Variants in ALPK1 observed in about 807,000 individuals in gnomAD.
The protein encoded by ALPK1 is alpha-protein kinase 1.
In ALPK1, 110 loss-of-function variants were observed where a neutral mutation model predicts 120.6. That is an observed-to-expected ratio of 0.91 (90% CI 0.78 to 1.07). ALPK1 has a LOEUF of 1.07. Ranked by LOEUF, ALPK1 falls within the 50% of genes least tolerant of loss-of-function variation. ALPK1 has a pLI of 0.00. For missense variants in ALPK1, 1,498 were observed against 1,483.9 expected (o/e 1.01, Z -0.16); for synonymous variants, 582 against 560.3 (o/e 1.04, Z -0.55).
intron 1 of ALPK1, among the ~76,000 whole-genome samples, chr4:112,300,936 A>G (rs992775179): frequency 2.0e-5 from 3 of 152,182 alleles, no homozygotes. Context: ...ACCCCAGCAC[A>G]TCTGGTTACT....
At chr4:112,327,656 G>A (rs1477522524) in intron 2 of ALPK1, among the ~76,000 whole-genome samples, 1 of 151,944 alleles carries the variant, frequency 6.6e-6, no homozygotes, top group Non-Finnish European at 1.5e-5. Flanking sequence ...TGTTGTCTAG[G>A]CTGGTCTCGA....
Position 112,306,685 on chromosome 4 carries a change from C to G in ALPK1, c.-152-9116C>G, listed in dbSNP as rs1333854365. On this transcript the variant is annotated intron_variant, in intron 1 of 15. Transcript: ENST00000650871. ...CTAGTGGTCTATCAATTTTGTTGAT[C>G]TTTTCAAAAAACCAGCTCCTGGATT... is the stretch of plus-strand genomic sequence containing the variant. Among the ~76,000 whole-genome samples, 3 of 151,830 alleles carry G rather than the reference C, an allele frequency of 2.0e-5. No homozygotes were observed. The East Asian group carries it at 5.8e-4, about 29-fold the overall frequency.
intron 2 of ALPK1, among the ~76,000 whole-genome samples, chr4:112,331,233 C>A (rs755999870): frequency 2.6e-5 from 4 of 152,186 alleles, no homozygotes; most frequent in Non-Finnish European, 5.9e-5. Flanking sequence ...GACAGGAAAA[C>A]GGACATGTGC....
At chr4:112,438,241 G>C (rs768886456) in intron 12 of ALPK1, among the ~76,000 whole-genome samples, 2 of 152,148 alleles carry the variant, frequency 1.3e-5, no homozygotes, top group Non-Finnish European at 2.9e-5. Flanking sequence ...TACATTAAGT[G>C]ACACTTTCCC....
intron 2 of ALPK1, chr4:112,356,539 T>C (rs1730624483): frequency 3.6e-6 from 3 of 843,592 alleles, no homozygotes; most frequent in East Asian, 2.8e-5. Context: ...GAGGTGTGTG[T>C]GCTGGGCTCC....
intron 1 of ALPK1, among the ~76,000 whole-genome samples, chr4:112,301,052 T>A (rs1396037051): frequency 1.3e-5 from 2 of 152,004 alleles, no homozygotes; most frequent in Non-Finnish European, 2.9e-5. Context: ...AAAAAAAAAA[T>A]TTAGAACCTC....
rs771229124 is a variant in ALPK1 at position 112,438,540 on chromosome 4, TG to T, written c.3247del (p.Glu1083SerfsTer4). On this transcript the variant is annotated frameshift_variant, in exon 13 of 16. Coordinates refer to ENST00000650871, the MANE Select transcript of ALPK1 (RefSeq NM_025144.4). LOFTEE classifies it high-confidence loss of function. Reference protein sequence around the residue: ...QKGLWHHFTDVERQMTAQHYV... With the variant: ...QKGLWHHFTDXERQMTAQHYV... ...GGGCTCTGGCACCACTTCACTGATG[TG>T]GAGCGACAGATGACCGCACAGCACT... The T allele has an allele frequency of 6.8e-6, 11 of 1,613,934 alleles. No homozygotes were observed. The East Asian group carries it at 2.2e-4, about 33-fold the overall frequency.
At chr4:112,318,706 T>A (rs1728740111) in intron 2 of ALPK1, among the ~76,000 whole-genome samples, 1 of 152,240 alleles carries the variant, frequency 6.6e-6, no homozygotes, top group African/African-American at 2.4e-5. Context: ...TTCACACAGC[T>A]TCTACAGTGT....
At chr4:112,440,812 A>AGTGTGCGT (rs1553965153) in intron 14 of ALPK1, 105 bp from the exon 15 acceptor site, 2 of 1,328,080 alleles carry the variant, frequency 1.5e-6, no homozygotes, top group African/African-American at 1.5e-5. Flanking sequence ...TATCTCTTTA[A>AGTGTGCGT]GTGTGTGTGT....
chr4:112,379,031 G>A (rs1298489405), intron 3 of ALPK1, among the ~76,000 whole-genome samples: 1 of 152,174 alleles, frequency 6.6e-6, no homozygotes, highest in Non-Finnish European at 1.5e-5. Context: ...GCAGGTACTT[G>A]GCACCTATAG....
At chr4:112,360,641 G>T (rs773877062) in intron 2 of ALPK1, among the ~76,000 whole-genome samples, 1 of 152,142 alleles carries the variant, frequency 6.6e-6, no homozygotes, top group African/African-American at 2.4e-5. Flanking sequence ...TCTGCTTGAC[G>T]CTCAAGCCCT....
At chr4:112,343,617 C>T (rs1729972683) in intron 2 of ALPK1, 2 of 152,220 alleles carry the variant, frequency 1.3e-5, no homozygotes, top group Admixed American at 1.3e-4. Context: ...CCACATTCTC[C>T]ATTTGAATGA....
chr4:112,440,780 C>T, intron 14 of ALPK1, 137 bp from the exon 15 acceptor site: 2 of 1,387,160 alleles, frequency 1.4e-6, no homozygotes. Flanking sequence ...CTATAAACCA[C>T]AGGATGGCCA....
At chr4:112,331,703 G>A (rs915977494) in intron 2 of ALPK1, among the ~76,000 whole-genome samples, 2 of 152,240 alleles carry the variant, frequency 1.3e-5, no homozygotes, top group East Asian at 3.8e-4. Context: ...CACTGTATAT[G>A]TGGGTCTAAG....
At chr4:112,371,289 A>C (rs1209246148) in intron 2 of ALPK1, among the ~76,000 whole-genome samples, 3 of 152,134 alleles carry the variant, frequency 2.0e-5, no homozygotes, top group African/African-American at 7.2e-5. Context: ...TTTTTTCCAA[A>C]TGCACATCTG....
At chr4:112,298,939 A>G (rs1278720385) in intron 1 of ALPK1, among the ~76,000 whole-genome samples, 1 of 152,128 alleles carries the variant, frequency 6.6e-6, no homozygotes, top group Non-Finnish European at 1.5e-5. Context: ...TCTCTAATCT[A>G]TTGCAGAGAA....
chr4:112,332,443 A>G (rs991383522), intron 2 of ALPK1, among the ~76,000 whole-genome samples: 2 of 152,208 alleles, frequency 1.3e-5, no homozygotes, highest in Admixed American at 1.3e-4. Flanking sequence ...TTTTTCTCTT[A>G]TCCTTAGTCA....
intron 2 of ALPK1, among the ~76,000 whole-genome samples, chr4:112,324,139 AAT>A (rs1424421097): frequency 2.6e-5 from 4 of 152,136 alleles, no homozygotes; most frequent in Non-Finnish European, 4.4e-5. Flanking sequence ...CATCCTGGCT[AAT>A]ACAGTGAAAC....
intron 2 of ALPK1, chr4:112,316,385 T>C (rs1048894740): frequency 6.6e-6 from 1 of 152,260 alleles, no homozygotes; most frequent in African/African-American, 2.4e-5. Context: ...TTTTATTGCA[T>C]GTACATACCA....
Sources: allele counts gnomAD v4.1 joint callset (sites outside exome capture counted in the v4.1 genomes callset), GRCh38; gene constraint gnomAD v4.1.1; transcripts MANE v1.5; gene names NCBI Gene and HGNC (gene_info 2026-07-23, HGNC 2026-07-21).